The following PRKAG2 variants were observed in gnomAD, a reference collection of about 807,000 sequenced individuals.
PRKAG2 encodes 5'-AMP-activated protein kinase subunit gamma-2.
Under a neutral mutation model 69.6 loss-of-function variants are expected in PRKAG2, and 26 were observed. The observed-to-expected ratio is 0.37, with a 90% CI of 0.27 to 0.52. The LOEUF is 0.52. Among genes scored for constraint, PRKAG2 ranks in the 20% least tolerant of loss-of-function variants. The probability of loss-of-function intolerance (pLI) is 0.90; values close to 1 mark genes in which losing one functional copy is unlikely to be tolerated. For synonymous variants in PRKAG2, 293 were observed against 285.0 expected, an observed-to-expected ratio of 1.03 and a Z score of -0.28; for missense variants, 557 against 740.0, an observed-to-expected ratio of 0.75 and a Z score of 2.87.
rs1563733994 is a variant in PRKAG2 at position 151,827,774 on chromosome 7, A to AAAAAAAAC, written c.115-41234_115-41233insGTTTTTTT. Among the ~76,000 whole-genome samples the AAAAAAAAC allele has an allele frequency of 3.9e-4, 58 of 147,518 alleles. No individual in the cohort carries two copies. In the South Asian group the frequency reaches 4.8e-3, roughly 12 times the overall value. ...AAAAAAAAAAAAAAAAAAAAAAAAA[A>AAAAAAAAC]CTGCCTTGCTGTAGCCTGTCGTGGT... On this transcript the variant is annotated intron_variant, in intron 1 of 15. Coordinates refer to ENST00000287878, the MANE Select transcript of PRKAG2 (RefSeq NM_016203.4).
At chr7:151,839,338 G>A (rs1232532090) in intron 1 of PRKAG2, among the ~76,000 whole-genome samples, 4 of 152,306 alleles carry the variant, frequency 2.6e-5, no homozygotes, top group Middle Eastern at 6.8e-3. Flanking sequence ...CACCGCGGTC[G>A]GAACTCTCGT....
At chr7:151,752,112 G>A (rs917152471) in intron 3 of PRKAG2, among the ~76,000 whole-genome samples, 9 of 152,160 alleles carry the variant, frequency 5.9e-5, no homozygotes, top group African/African-American at 1.9e-4. Flanking sequence ...AGGACAATTT[G>A]AGCATCAAAA....
intron 1 of PRKAG2, among the ~76,000 whole-genome samples, chr7:151,831,184 C>T (rs1162831408): frequency 6.6e-6 from 1 of 152,150 alleles, no homozygotes; most frequent in African/African-American, 2.4e-5. Flanking sequence ...CTGGCAGTGC[C>T]TCAGAAGTTA....
intron 3 of PRKAG2, among the ~76,000 whole-genome samples, chr7:151,711,090 T>C (rs1795231495): frequency 6.6e-6 from 1 of 151,912 alleles, no homozygotes; most frequent in Admixed American, 6.6e-5. Context: ...GTGCTAGGCC[T>C]AGAGTATCAA....
chr7:151,593,752 A>G (rs961463657), intron 6 of PRKAG2, among the ~76,000 whole-genome samples: 2 of 152,192 alleles, frequency 1.3e-5, no homozygotes, highest in African/African-American at 4.8e-5. Context: ...CTTTGTGTCA[A>G]ATAATCAAGA....
At chr7:151,779,120 T>G (rs775711557) in intron 3 of PRKAG2, among the ~76,000 whole-genome samples, 2 of 152,214 alleles carry the variant, frequency 1.3e-5, no homozygotes, top group African/African-American at 2.4e-5. Flanking sequence ...TGAAAGAGAT[T>G]GAAAATCTAA....
At chr7:151,776,168 T>C (rs1288057398) in intron 3 of PRKAG2, among the ~76,000 whole-genome samples, 2 of 152,200 alleles carry the variant, frequency 1.3e-5, no homozygotes, top group African/African-American at 4.8e-5. Flanking sequence ...GGCACCAACA[T>C]GAGCAATTGC....
Position 151,736,093 on chromosome 7 carries a change from G to T in PRKAG2, c.466+45059C>A. 4 of 1,517,538 alleles carry T rather than the reference G, an allele frequency of 2.6e-6. No homozygotes were observed. The South Asian group carries it at 4.9e-5, about 19-fold the overall frequency. The allele number at this position is 1,517,538 out of a possible 1,614,324, so 94.0% of individuals were successfully genotyped here. On this transcript the variant is annotated intron_variant, in intron 3 of 15. Coordinates refer to ENST00000287878, the MANE Select transcript of PRKAG2 (RefSeq NM_016203.4). ...CCGGGAGCCAGAGGAGCATCAGCCC[G>T]ACAGGCACAGGGCGCCCCAAAAGCT...
intron 1 of PRKAG2, among the ~76,000 whole-genome samples, chr7:151,833,413 C>A (rs1025623235): frequency 6.6e-6 from 1 of 152,086 alleles, no homozygotes; most frequent in African/African-American, 2.4e-5. Context: ...AGCTGCTGAG[C>A]GGAGGAGGCC....
chr7:151,854,994 A>G (rs1377383108), intron 1 of PRKAG2, among the ~76,000 whole-genome samples: 1 of 19,182 alleles, frequency 5.2e-5, no homozygotes. Flanking sequence ...CTCCACACAC[A>G]CCATGCTCCA....
intron 1 of PRKAG2, among the ~76,000 whole-genome samples, chr7:151,812,772 C>A (rs1310428155): frequency 6.6e-6 from 1 of 152,206 alleles, no homozygotes; most frequent in Non-Finnish European, 1.5e-5. Flanking sequence ...ACAGGCTGGA[C>A]CGCAGGACAC....
chr7:151,678,402 G>A (rs765713267), intron 3 of PRKAG2, among the ~76,000 whole-genome samples: 5 of 152,194 alleles, frequency 3.3e-5, no homozygotes, highest in Non-Finnish European at 7.3e-5. Context: ...ACCGGCTCAA[G>A]GTCAGGGTGA....
At chr7:151,662,934 A>G (rs1252025596) in intron 4 of PRKAG2, among the ~76,000 whole-genome samples, 1 of 152,120 alleles carries the variant, frequency 6.6e-6, no homozygotes, top group South Asian at 2.1e-4. Context: ...GGCTTGGCAC[A>G]GTGGCTCACA....
chr7:151,651,709 TAC>T (rs1828541865), intron 4 of PRKAG2, among the ~76,000 whole-genome samples: 1 of 152,218 alleles, frequency 6.6e-6, no homozygotes, highest in African/African-American at 2.4e-5. Flanking sequence ...GGTGTCAGAT[TAC>T]ACACTGCGGC....
At chr7:151,668,503 C>CGA (rs1310451897) in intron 4 of PRKAG2, among the ~76,000 whole-genome samples, 7 of 152,200 alleles carry the variant, frequency 4.6e-5, no homozygotes, top group Non-Finnish European at 1.0e-4. Flanking sequence ...CTGGTGCACC[C>CGA]AGCTGCTGCA....
chr7:151,647,719 A>C (rs1341443150), intron 4 of PRKAG2, among the ~76,000 whole-genome samples: 3 of 152,218 alleles, frequency 2.0e-5, no homozygotes, highest in Non-Finnish European at 2.9e-5. Flanking sequence ...AAAGGAATGG[A>C]ATTGGATTTC....
chr7:151,631,964 C>A, intron 5 of PRKAG2, 105 bp downstream of exon 5: 2 of 1,071,486 alleles, frequency 1.9e-6, no homozygotes, highest in East Asian at 5.0e-5. Flanking sequence ...ACGCAGCTCG[C>A]CGTGGGGCAG....
chr7:151,717,991 T>TG (rs1276843793), intron 3 of PRKAG2, among the ~76,000 whole-genome samples: 6 of 151,848 alleles, frequency 4.0e-5, no homozygotes, highest in African/African-American at 1.5e-4. Flanking sequence ...ACCTTGGGAG[T>TG]GGGGGGAAGG....
At chr7:151,863,622 G>GA (rs1156247755) in intron 1 of PRKAG2, among the ~76,000 whole-genome samples, 1 of 152,198 alleles carries the variant, frequency 6.6e-6, no homozygotes, top group Non-Finnish European at 1.5e-5. Context: ...ACAAGGAATA[G>GA]AACCAAATAT....
Sources: gnomAD v4.1 joint callset for allele counts (sites outside exome capture counted in the v4.1 genomes callset) on GRCh38, gnomAD v4.1.1 for gene constraint, MANE v1.5 for transcripts, NCBI Gene and HGNC (gene_info 2026-07-23, HGNC 2026-07-21) for gene names.